The following ANKRD12 variants were observed in gnomAD, a reference collection of about 807,000 sequenced individuals.
ANKRD12 encodes the protein ankyrin repeat domain-containing protein 12.
In ANKRD12, 85 loss-of-function variants were observed where a neutral mutation model predicts 183.4. That is an observed-to-expected ratio of 0.46 (90% CI 0.39 to 0.56). The LOEUF (loss-of-function observed/expected upper bound fraction) is 0.56, where lower values mean the gene tolerates loss of function less well. ANKRD12 is among the 20% of genes least tolerant of loss of function. The pLI, the probability that ANKRD12 is intolerant of heterozygous loss-of-function variation, is 0.00. For missense variants in ANKRD12, 2,405 were observed against 2,357.1 expected (o/e 1.02, Z -0.42); for synonymous variants, 914 against 800.2 (o/e 1.14, Z -2.40).
At chr18:9,192,141 G>A (rs775341655) in intron 2 of ANKRD12, among the ~76,000 whole-genome samples, 2 of 151,918 alleles carry the variant, frequency 1.3e-5, no homozygotes, top group Non-Finnish European at 2.9e-5. Flanking sequence ...CTGATTTGTT[G>A]GTCTCACCAT....
chr18:9,182,196 A>C (rs769576282), intron 1 of ANKRD12, among the ~76,000 whole-genome samples, 186 bp from the exon 2 acceptor site: 4 of 152,256 alleles, frequency 2.6e-5, no homozygotes, highest in Non-Finnish European at 5.9e-5. Context: ...AATTTATTAA[A>C]GTAATTCTCT....
chr18:9,233,619 C>G (rs948701696), intron 8 of ANKRD12, among the ~76,000 whole-genome samples: 1 of 152,090 alleles, frequency 6.6e-6, no homozygotes, highest in African/African-American at 2.4e-5. Flanking sequence ...TGGATAGGGC[C>G]TTTTGGCTTT....
intron 8 of ANKRD12, among the ~76,000 whole-genome samples, chr18:9,236,999 A>T (rs1433625468): frequency 6.6e-6 from 1 of 152,240 alleles, no homozygotes; most frequent in Non-Finnish European, 1.5e-5. Flanking sequence ...CTGTCAGGGT[A>T]AAAGGATAAT....
At chr18:9,214,853 T>C (rs1184197386) in intron 6 of ANKRD12, among the ~76,000 whole-genome samples, 3 of 152,158 alleles carry the variant, frequency 2.0e-5, no homozygotes, top group African/African-American at 7.2e-5. Flanking sequence ...AACATTCTTT[T>C]ATCTCATGCA....
intron 11 of ANKRD12, 66 bp downstream of exon 11, chr18:9,275,733 A>G: frequency 1.4e-6 from 2 of 1,387,834 alleles, no homozygotes; most frequent in South Asian, 1.7e-5. Flanking sequence ...TATTTTTAGA[A>G]TCTATTTCCA....
intron 3 of ANKRD12, among the ~76,000 whole-genome samples, chr18:9,196,223 C>CACACACACAT (rs199953345): frequency 1.9e-5 from 1 of 52,486 alleles, no homozygotes; most frequent in African/African-American, 6.6e-5. Context: ...CACACACACA[C>CACACACACAT]TGAGGCTAAC....
intron 11 of ANKRD12, among the ~76,000 whole-genome samples, chr18:9,277,307 G>C (rs2039887552): frequency 6.7e-6 from 1 of 148,318 alleles, no homozygotes; most frequent in Non-Finnish European, 1.5e-5. Flanking sequence ...GGATGACAGA[G>C]TGACACCCTG....
intron 1 of ANKRD12, among the ~76,000 whole-genome samples, chr18:9,139,976 G>C (rs979344698): frequency 6.6e-6 from 1 of 152,154 alleles, no homozygotes; most frequent in Non-Finnish European, 1.5e-5. Context: ...CGGAGTTGTG[G>C]AAAGAACATT....
At chr18:9,138,320 C>T (rs1339315914) in intron 1 of ANKRD12, among the ~76,000 whole-genome samples, 1 of 152,152 alleles carries the variant, frequency 6.6e-6, no homozygotes, top group East Asian at 1.9e-4. Flanking sequence ...CGAGACCAGC[C>T]TGACCAATAT....
intron 6 of ANKRD12, among the ~76,000 whole-genome samples, chr18:9,213,359 AT>A (rs1396033680): frequency 6.6e-6 from 1 of 151,910 alleles, no homozygotes; most frequent in African/African-American, 2.4e-5. Flanking sequence ...CCTAAAAAAT[AT>A]TTCTTTCATC....
At chr18:9,194,328 T>TTTAC (rs1252442734) in intron 2 of ANKRD12, among the ~76,000 whole-genome samples, 4 of 2,894 alleles carry the variant, frequency 1.4e-3, no homozygotes, top group Non-Finnish European at 2.9e-3. Flanking sequence ...TATAGATAAT[T>TTTAC]TTATTTATTT....
chr18:9,204,490 C>T lies in ANKRD12; in HGVS notation c.250C>T (p.His84Tyr), dbSNP rs767266765. 6 of 1,601,858 alleles carry T rather than the reference C, an allele frequency of 3.7e-6. No homozygotes were observed. The East Asian group carries it at 1.3e-4, about 36-fold the overall frequency. The change falls in exon 4 of 13, where the codon CAT (histidine) becomes TAT (tyrosine). Residue 84 changes from histidine (H) to tyrosine (Y), a missense_variant. His to Tyr is a moderately conservative substitution (Grantham distance 83, BLOSUM62 2). Around this residue, in one of 7 missense-constraint regions of ANKRD12, gnomAD observed 145 missense variants for 145.6 expected, o/e 1.00. Coordinates refer to ENST00000262126, the MANE Select transcript of ANKRD12 (RefSeq NM_015208.5). ...RDSDTDSDPG[H>Y]TSENWGERLI... ...TCATTCTGTAGATTCAGATCCAGGA[C>T]ATACAAGTGAAAATTGGGGGGAGAG...
At chr18:9,220,027 C>T (rs561448701) in intron 7 of ANKRD12, among the ~76,000 whole-genome samples, 35 of 152,144 alleles carry the variant, frequency 2.3e-4, no homozygotes, top group Non-Finnish European at 4.1e-4. Flanking sequence ...AAAAATTAAA[C>T]AGTTAATAGT....
At chr18:9,219,001 C>G (rs2036270202) in intron 7 of ANKRD12, among the ~76,000 whole-genome samples, 1 of 152,108 alleles carries the variant, frequency 6.6e-6, no homozygotes, top group African/African-American at 2.4e-5. Context: ...ATTTCTAGTT[C>G]TATTTTAGAT....
chr18:9,144,963 A>G (rs1242744792), intron 1 of ANKRD12, among the ~76,000 whole-genome samples: 3 of 152,140 alleles, frequency 2.0e-5, no homozygotes, highest in East Asian at 1.9e-4. Context: ...AATTATGATT[A>G]TGGACTTTTA....
intron 6 of ANKRD12, among the ~76,000 whole-genome samples, chr18:9,212,488 C>G (rs976672132): frequency 5.2e-4 from 4 of 7,706 alleles, no homozygotes; most frequent in Non-Finnish European, 8.8e-4. Flanking sequence ...TATATTCTTA[C>G]AGTATATATA....
chr18:9,281,298 G>T lies in ANKRD12; in HGVS notation c.*172G>T. The T allele has an allele frequency of 2.0e-6, 1 of 509,626 alleles. No individual in the cohort carries two copies. Among genetic ancestry groups the T allele is most frequent in the Non-Finnish European group, 3.3e-6 (1 of 298,682 alleles). The allele number at this position is 509,626 out of a possible 1,614,324, so 31.6% of individuals were successfully genotyped here. ...TTTATAAAAAATGAGAATTATTTTG[G>T]ATCTTAGATCCAAACACAGTTTCTA... On this transcript the variant is annotated 3_prime_UTR_variant, in exon 13 of 13. Transcript: ENST00000262126.
chr18:9,190,206 G>T (rs573274304), intron 2 of ANKRD12, among the ~76,000 whole-genome samples: 1 of 152,174 alleles, frequency 6.6e-6, no homozygotes, highest in Non-Finnish European at 1.5e-5. Context: ...ATTGGAAAAC[G>T]CAAGAGAATG....
Position 9,256,051 on chromosome 18 carries a change from G to A in ANKRD12, c.2784G>A (p.Lys928=). 1.3e-6 allele frequency: 2 copies of A among 1,557,566 alleles called. No homozygotes were observed. Among genetic ancestry groups the A allele is most frequent in the Non-Finnish European group, 1.7e-6 (2 of 1,158,144 alleles). Residue 928 remains lysine (K), a synonymous_variant, in exon 9 of 13, where the codon AAG becomes AAA. Coordinates refer to ENST00000262126, the MANE Select transcript of ANKRD12 (RefSeq NM_015208.5). ...KERHLAESKE[K]HLMEKKNKQS... ...GGCATCTAGCAGAAAGCAAAGAAAA[G>A]CACTTGATGGAGAAAAAAAATAAAC...
Sources: gnomAD v4.1 joint callset for allele counts (sites outside exome capture counted in the v4.1 genomes callset) on GRCh38, gnomAD v4.1.1 for gene constraint, gnomAD v4.1.1 regional missense constraint, MANE v1.5 for transcripts, NCBI Gene and HGNC (gene_info 2026-07-23, HGNC 2026-07-21) for gene names.